Variants in UBN2 observed in about 807,000 individuals in gnomAD.
UBN2 encodes the protein ubinuclein 2, also known as ubinuclein-2.
In UBN2, 35 loss-of-function variants were observed where a neutral mutation model predicts 120.2. The ratio of observed to expected loss-of-function variants is 0.29; its 90% CI spans 0.22 to 0.39. The LOEUF (loss-of-function observed/expected upper bound fraction) is 0.39. UBN2 is among the 10% of genes least tolerant of loss of function. The pLI is 1.00. For synonymous variants in UBN2, 661 were observed against 648.7 expected (o/e 1.02, Z -0.29); for missense variants, 1,693 against 1,663.2 (o/e 1.02, Z -0.31).
At chr7:139,319,918 T>A in the UBN2 span, among the ~76,000 whole-genome samples, 1 of 151,340 alleles carries the variant, frequency 6.6e-6, no homozygotes, top group African/African-American at 2.4e-5. Flanking sequence ...CTACTAAAAA[T>A]ACAAAAAATT....
At chr7:139,308,686 G>C (rs1798405132), downstream of UBN2, among the ~76,000 whole-genome samples, 1 of 152,160 alleles carries the variant, frequency 6.6e-6, no homozygotes, top group Non-Finnish European at 1.5e-5. Flanking sequence ...GGTTTTTTGG[G>C]TAATAGGGTA....
chr7:139,241,283 T>C (rs1190213629), intron 2 of UBN2, among the ~76,000 whole-genome samples: 1 of 152,212 alleles, frequency 6.6e-6, no homozygotes, highest in Non-Finnish European at 1.5e-5. Context: ...TAGAATTGGA[T>C]ATAAATTCAC....
In UBN2 at chr7:139,293,420, C is replaced by T. The variant is rs1384124084; in HGVS notation, c.3858C>T (p.Thr1286=). ...FGTDTAGVTT[T]SGSTSAAFHH... is the part of the protein sequence containing the mutation. ...CGGACACAGCTGGAGTGACAACCAC[C>T]TCGGGATCTACCTCAGCCGCTTTCC... The change falls in exon 16 of 18, where the codon ACC becomes ACT. Residue 1286 remains threonine (T), a synonymous_variant. Coordinates refer to ENST00000473989, the MANE Select transcript of UBN2 (RefSeq NM_173569.4). 15 of 1,614,028 alleles carry T rather than the reference C, an allele frequency of 9.3e-6. No individual in the cohort carries two copies. Among genetic ancestry groups the T allele is most frequent in the African/African-American group, 4.0e-5 (3 of 74,924 alleles).
chr7:139,267,771 A>G (rs1467135152), intron 7 of UBN2, among the ~76,000 whole-genome samples: 1 of 152,160 alleles, frequency 6.6e-6, no homozygotes, highest in Non-Finnish European at 1.5e-5. Context: ...GTCTGCCGCT[A>G]GTATGGTGGC....
At chr7:139,244,209 T>C (rs990245665) in intron 2 of UBN2, among the ~76,000 whole-genome samples, 2 of 152,098 alleles carry the variant, frequency 1.3e-5, no homozygotes, top group Admixed American at 1.3e-4. Flanking sequence ...AGAGGATATA[T>C]AAATACAGAT....
Position 139,299,085 on chromosome 7 carries a change from G to A in UBN2, c.*1249G>A, listed in dbSNP as rs1054794295. ...ATGTGAGTAAATCTGCAGAAAATAA[G>A]ACTCCTTAGTTATTATAGCTTCCTT... On this transcript the variant is annotated 3_prime_UTR_variant, in exon 18 of 18. Transcript: ENST00000473989. 6.6e-6 allele frequency: 1 copy of A among 152,132 alleles called. No individual in the cohort carries two copies. Among genetic ancestry groups the A allele is most frequent in the Non-Finnish European group, 1.5e-5 (1 of 68,016 alleles). The allele number at this position is 152,132 out of a possible 1,614,324, so 9.4% of individuals were successfully genotyped here.
At chr7:139,273,438 A>G (rs748441324) in intron 10 of UBN2, 28 bp downstream of exon 10, 6 of 1,441,174 alleles carry the variant, frequency 4.2e-6, no homozygotes, top group Non-Finnish European at 5.7e-6. Flanking sequence ...TTCACTTTTA[A>G]TATATAATGC....
chr7:139,313,998 G>A, the UBN2 span, among the ~76,000 whole-genome samples: 126 of 151,698 alleles, frequency 8.3e-4, no homozygotes, highest in African/African-American at 2.6e-3. Context: ...ACAGGCGTGT[G>A]CCACCATGCC....
intron 8 of UBN2, among the ~76,000 whole-genome samples, chr7:139,270,054 T>C (rs1797221502): frequency 6.6e-6 from 1 of 152,186 alleles, no homozygotes; most frequent in African/African-American, 2.4e-5. Flanking sequence ...TTTGAAGTTA[T>C]TTAATATCCC....
chr7:139,309,562 A>T (rs889744306), downstream of UBN2, among the ~76,000 whole-genome samples: 15 of 152,124 alleles, frequency 9.9e-5, no homozygotes, highest in Non-Finnish European at 1.5e-5. Context: ...TTTAAAACAT[A>T]TTTTACCTAG....
intron 1 of UBN2, among the ~76,000 whole-genome samples, chr7:139,234,364 C>A (rs1288287113): frequency 1.3e-5 from 2 of 152,084 alleles, no homozygotes; most frequent in African/African-American, 4.8e-5. Flanking sequence ...AATCAGTTCC[C>A]TTCTTAAATA....
rs770012288 is a variant in UBN2 at position 139,293,926 on chromosome 7, T to C, written c.3939T>C (p.His1313=). The C allele has an allele frequency of 6.2e-7, 1 of 1,614,166 alleles. No homozygotes were observed. The highest frequency in any genetic ancestry group is 1.7e-5 in the Admixed American group (1 of 60,028). The stretch of plus-strand genomic sequence containing the variant: ...GTTTACAGCCAGGAGGAGCTCAGCA[T>C]GCAGCAACGCTTTCCCACTCACCTC... ...LKGLQPGGAQ[H]AATLSHSPLP... is the part of the protein sequence containing the mutation. The change falls in exon 17 of 18, where the codon CAT becomes CAC. Residue 1313 remains histidine, a synonymous_variant. Transcript: ENST00000473989.
chr7:139,249,898 A>G (rs10267224), intron 2 of UBN2, among the ~76,000 whole-genome samples: 2 of 151,816 alleles, frequency 1.3e-5, no homozygotes, highest in Non-Finnish European at 2.9e-5. Flanking sequence ...GACAGGTCTC[A>G]CTGTGTTGCC....
intron 17 of UBN2, among the ~76,000 whole-genome samples, chr7:139,294,431 A>G (rs369270855): frequency 8.5e-5 from 13 of 152,348 alleles, no homozygotes; most frequent in African/African-American, 2.9e-4. Context: ...TGCCCAAGAT[A>G]ATACACAACT....
chr7:139,291,134 G>A (rs1276312677), intron 15 of UBN2, among the ~76,000 whole-genome samples: 3 of 152,040 alleles, frequency 2.0e-5, no homozygotes, highest in African/African-American at 7.2e-5. Flanking sequence ...GCTGAGGCAG[G>A]CGGATCACTT....
intron 1 of UBN2, among the ~76,000 whole-genome samples, chr7:139,232,760 G>A (rs1292772313): frequency 6.6e-6 from 1 of 152,082 alleles, no homozygotes; most frequent in Non-Finnish European, 1.5e-5. Context: ...GTAATTTTCG[G>A]AGGATGATGA....
intron 9 of UBN2, among the ~76,000 whole-genome samples, chr7:139,273,085 A>ATG (rs1298675270): frequency 5.9e-5 from 9 of 152,214 alleles, no homozygotes; most frequent in Admixed American, 5.9e-4. Context: ...TAAAAGGTGA[A>ATG]TGTTGGTGCC....
rs1325496920 is a variant in UBN2, at chr7:139,304,229, T to G, written c.*6393T>G. The G allele has an allele frequency of 6.6e-6, 1 of 152,096 alleles. No individual in the cohort carries two copies. The highest frequency in any genetic ancestry group is 1.5e-5 in the Non-Finnish European group (1 of 68,048). 9.4% of individuals were successfully genotyped at this position (152,096 alleles called of 1,614,324 possible). On this transcript the variant is annotated 3_prime_UTR_variant, in exon 18 of 18. Transcript: ENST00000473989. ...CCATTGCACCTTTGTAATTCATGCTTCTTCAACCCATGAAAGAGGTGGAGC... is the reference window on the plus strand; with the variant it reads ...CCATTGCACCTTTGTAATTCATGCTGCTTCAACCCATGAAAGAGGTGGAGC...
rs530102224 is a variant in UBN2 at position 139,254,543 on chromosome 7, C to T, written c.663+2486C>T. ...TTCTAATTTGCTGTGTAGCCAGGAG[C>T]AAGTCTTTTAGCACCACCCGGTTTT... is the stretch of plus-strand genomic sequence containing the variant. On this transcript the variant is annotated intron_variant, in intron 3 of 17. Coordinates refer to ENST00000473989, the MANE Select transcript of UBN2 (RefSeq NM_173569.4). 1.1e-4 allele frequency among the ~76,000 whole-genome samples: 17 copies of T among 152,302 alleles called. 1 individual carries two copies. The highest frequency in any genetic ancestry group is 4.1e-4 in the African/African-American group (17 of 41,560).
Sources: allele counts gnomAD v4.1 joint callset (sites outside exome capture counted in the v4.1 genomes callset), GRCh38; gene constraint gnomAD v4.1.1; transcripts MANE v1.5; gene names NCBI Gene and HGNC (gene_info 2026-07-23, HGNC 2026-07-21).